Variants in EXT1 observed in about 807,000 individuals in gnomAD.
EXT1 encodes the protein exostosin glycosyltransferase 1.
In EXT1, 20 loss-of-function variants were observed where a neutral mutation model predicts 82.5. That is an observed-to-expected ratio of 0.24 (90% CI 0.17 to 0.35). The LOEUF is 0.35. Ranked by LOEUF, EXT1 falls within the 10% of genes least tolerant of loss-of-function variation. The probability of loss-of-function intolerance (pLI) is 1.00; values close to 1 mark genes in which losing one functional copy is unlikely to be tolerated. For missense variants in EXT1, 757 were observed against 936.5 expected, an observed-to-expected ratio of 0.81 and a Z score of 2.50; for synonymous variants, 348 against 350.8, an observed-to-expected ratio of 0.99 and a Z score of 0.09.
At chr8:117,875,421 TAAA>T in intron 1 of EXT1, among the ~76,000 whole-genome samples, 1 of 4,056 alleles carries the variant, frequency 2.5e-4, no homozygotes, top group African/African-American at 1.9e-3. Context: ...ACTACCTCTC[TAAA>T]TAAATAAATA....
At chr8:118,085,684 C>T (rs1563651412) in intron 1 of EXT1, among the ~76,000 whole-genome samples, 2 of 151,462 alleles carry the variant, frequency 1.3e-5, no homozygotes, top group African/African-American at 2.4e-5. Context: ...TGTTCACATA[C>T]ACATATCTAT....
chr8:118,012,459 C>T (rs1311274023), intron 1 of EXT1, among the ~76,000 whole-genome samples: 1 of 152,218 alleles, frequency 6.6e-6, no homozygotes, highest in Non-Finnish European at 1.5e-5. Context: ...GTGTCTGCCT[C>T]CCCAAGCCAA....
At chr8:118,100,017 T>C (rs1463217337) in intron 1 of EXT1, among the ~76,000 whole-genome samples, 1 of 152,160 alleles carries the variant, frequency 6.6e-6, no homozygotes, top group Admixed American at 6.5e-5. Flanking sequence ...GTCGTTTCAC[T>C]GACCAGGTCA....
chr8:117,998,751 G>A (rs17431215), intron 1 of EXT1, among the ~76,000 whole-genome samples: 2,918 of 152,256 alleles, frequency 0.019, 36 homozygotes, highest in Middle Eastern at 0.031. Context: ...ACTTGTTACC[G>A]AGGGCTAACT....
At chr8:117,828,190 T>C (rs889020028) in intron 4 of EXT1, among the ~76,000 whole-genome samples, 2 of 152,180 alleles carry the variant, frequency 1.3e-5, no homozygotes, top group Admixed American at 6.5e-5. Flanking sequence ...GGGATATATA[T>C]ATCAATAGTG....
At position 117,999,831 on chromosome 8, in the gene EXT1, A is replaced by G. The variant is rs2290952; in HGVS notation, c.962+110254T>C. ...AGAAAGAAAGATTCTTTAAAAACTT[A>G]GGAAAATCATTTTATTTTTCATAGT... is the stretch of plus-strand genomic sequence containing the variant. On this transcript the variant is annotated intron_variant, in intron 1 of 10. Transcript: ENST00000378204. 6.0e-4 allele frequency among the ~76,000 whole-genome samples: 92 copies of G among 152,304 alleles called. No homozygotes were observed. In the East Asian group the frequency reaches 0.017, roughly 28 times the overall value.
At chr8:118,048,748 T>C (rs1325692560) in intron 1 of EXT1, among the ~76,000 whole-genome samples, 1 of 152,222 alleles carries the variant, frequency 6.6e-6, no homozygotes, top group East Asian at 1.9e-4. Flanking sequence ...GTCAGCCAGA[T>C]CTATGAGTGG....
intron 2 of EXT1, among the ~76,000 whole-genome samples, chr8:117,836,404 C>T (rs759962546): frequency 5.9e-5 from 9 of 152,124 alleles, no homozygotes; most frequent in Non-Finnish European, 1.2e-4. Context: ...TGAGGCACTG[C>T]AGCAAAAGCA....
chr8:118,068,685 T>C (rs1294484957), intron 1 of EXT1, among the ~76,000 whole-genome samples: 2 of 152,186 alleles, frequency 1.3e-5, no homozygotes, highest in African/African-American at 2.4e-5. Context: ...AACCTGGATA[T>C]ATATTTCCTA....
chr8:117,935,576 G>A (rs1358618997), intron 1 of EXT1, among the ~76,000 whole-genome samples: 1 of 151,822 alleles, frequency 6.6e-6, no homozygotes, highest in Non-Finnish European at 1.5e-5. Flanking sequence ...GCCCAGGCTG[G>A]TCTCAAACTC....
At chr8:117,910,283 C>T (rs1054726700) in intron 1 of EXT1, among the ~76,000 whole-genome samples, 9 of 152,108 alleles carry the variant, frequency 5.9e-5, no homozygotes, top group Non-Finnish European at 1.2e-4. Flanking sequence ...ATGAAGAAAC[C>T]GGGCTGCCAG....
chr8:118,048,837 C>T (rs1816671382), intron 1 of EXT1, among the ~76,000 whole-genome samples: 1 of 152,200 alleles, frequency 6.6e-6, no homozygotes, highest in Non-Finnish European at 1.5e-5. Context: ...TTCCAGTTCA[C>T]TTGGTTAATC....
chr8:118,068,071 C>T (rs1210811192), intron 1 of EXT1, among the ~76,000 whole-genome samples: 1 of 152,154 alleles, frequency 6.6e-6, no homozygotes, highest in East Asian at 1.9e-4. Flanking sequence ...TTCATTTAAT[C>T]TTCATAACAC....
At chr8:118,087,151 T>A (rs1343687933) in intron 1 of EXT1, among the ~76,000 whole-genome samples, 1 of 152,158 alleles carries the variant, frequency 6.6e-6, no homozygotes, top group African/African-American at 2.4e-5. Context: ...CCCCTAGGGA[T>A]GTGGGTACTG....
At chr8:117,915,901 C>T (rs1813740589) in intron 1 of EXT1, among the ~76,000 whole-genome samples, 1 of 101,446 alleles carries the variant, frequency 9.9e-6, no homozygotes, top group African/African-American at 2.9e-5. Context: ...AAACAAAAGT[C>T]ACTCTTTGTG....
chr8:118,011,657 T>A (rs2129835970), intron 1 of EXT1, among the ~76,000 whole-genome samples: 1 of 152,294 alleles, frequency 6.6e-6, no homozygotes, highest in South Asian at 2.1e-4. Flanking sequence ...AAAGTGATCA[T>A]TTCTGGTTTG....
intron 8 of EXT1, among the ~76,000 whole-genome samples, chr8:117,808,729 T>C (rs1823272315): frequency 6.6e-6 from 1 of 152,144 alleles, no homozygotes; most frequent in African/African-American, 2.4e-5. Flanking sequence ...TGATGGTTAA[T>C]TGTATGTGTC....
chr8:117,927,754 C>T (rs1813979605), intron 1 of EXT1, among the ~76,000 whole-genome samples: 1 of 152,218 alleles, frequency 6.6e-6, no homozygotes, highest in Non-Finnish European at 1.5e-5. Context: ...CATACGGTGA[C>T]ACTAGAGCCC....
intron 1 of EXT1, among the ~76,000 whole-genome samples, chr8:117,947,042 A>C (rs1256490416): frequency 6.6e-6 from 1 of 152,136 alleles, no homozygotes; most frequent in African/African-American, 2.4e-5. Flanking sequence ...TGAGGCAGAG[A>C]GATCTGTTCT....
Sources: allele counts gnomAD v4.1 joint callset (sites outside exome capture counted in the v4.1 genomes callset), GRCh38; gene constraint gnomAD v4.1.1; transcripts MANE v1.5; gene names NCBI Gene and HGNC (gene_info 2026-07-23, HGNC 2026-07-21).